Variants in PPP3CC observed in about 807,000 individuals in gnomAD.
PPP3CC encodes the protein serine/threonine-protein phosphatase 2B catalytic subunit gamma isoform.
A neutral mutation model predicts 60.3 loss-of-function variants in PPP3CC; 35 were observed. The ratio of observed to expected loss-of-function variants is 0.58; its 90% CI spans 0.44 to 0.77. The LOEUF (loss-of-function observed/expected upper bound fraction) is 0.77. PPP3CC is among the 30% of genes least tolerant of loss of function. The pLI, the probability that PPP3CC is intolerant of heterozygous loss-of-function variation, is 0.00. For missense variants in PPP3CC, 570 were observed against 628.9 expected, an observed-to-expected ratio of 0.91 and a Z score of 1.00; for synonymous variants, 206 against 224.3, an observed-to-expected ratio of 0.92 and a Z score of 0.73.
chr8:22,492,088 A>G (rs899129136), intron 3 of PPP3CC, among the ~76,000 whole-genome samples: 5 of 152,152 alleles, frequency 3.3e-5, no homozygotes, highest in African/African-American at 1.2e-4. Context: ...CCTAGGTGGT[A>G]TAGCCTGCTA....
intron 4 of PPP3CC, among the ~76,000 whole-genome samples, chr8:22,510,238 C>A (rs973807090): frequency 3.4e-4 from 52 of 151,296 alleles, no homozygotes; most frequent in African/African-American, 1.0e-3. Flanking sequence ...GTCTCAAACT[C>A]CTGGCCTCAA....
At chr8:22,488,172 G>T (rs752465077) in intron 3 of PPP3CC, among the ~76,000 whole-genome samples, 16 of 152,056 alleles carry the variant, frequency 1.1e-4, no homozygotes, top group Non-Finnish European at 1.8e-4. Flanking sequence ...GGAAAGGTAG[G>T]TATAGAAAAG....
At chr8:22,459,068 ATT>A (rs1028319142) in intron 1 of PPP3CC, among the ~76,000 whole-genome samples, 2 of 145,836 alleles carry the variant, frequency 1.4e-5, no homozygotes, top group Admixed American at 6.9e-5. Context: ...TACATTTGTA[ATT>A]TTTTTTTTTT....
At chr8:22,442,940 T>A (rs2132417416) in intron 1 of PPP3CC, among the ~76,000 whole-genome samples, 1 of 152,302 alleles carries the variant, frequency 6.6e-6, no homozygotes, top group East Asian at 1.9e-4. Flanking sequence ...CTCTCTCCAG[T>A]ACTGTTTTCT....
At chr8:22,481,391 C>T (rs1192636237) in intron 3 of PPP3CC, among the ~76,000 whole-genome samples, 1 of 145,560 alleles carries the variant, frequency 6.9e-6, no homozygotes, top group African/African-American at 2.7e-5. Context: ...TGATAATATT[C>T]ATTCAGCCAG....
rs777026325 is a variant in PPP3CC at position 22,475,070 on chromosome 8, G to A, written c.166G>A (p.Val56Ile). 50 of 1,613,626 alleles carry A rather than the reference G, an allele frequency of 3.1e-5. No homozygotes were observed. Among genetic ancestry groups the A allele is most frequent in the Middle Eastern group, 3.3e-4 (2 of 6,082 alleles). Residue 56 changes from valine to isoleucine, a missense_variant, in exon 2 of 14, where the codon GTA becomes ATA. By Grantham distance (29) the Val-to-Ile change is conservative. Coordinates refer to ENST00000240139, the MANE Select transcript of PPP3CC (RefSeq NM_005605.5). ...LVKEGRLEEE[V>I]ALKIINDGAA... ...AAAGGAAGGACGACTGGAAGAGGAA[G>A]TAGCCTTAAAGATAATCAATGATGG...
chr8:22,525,773 T>G (rs1374443257), intron 8 of PPP3CC, among the ~76,000 whole-genome samples: 2 of 151,950 alleles, frequency 1.3e-5, no homozygotes, highest in Non-Finnish European at 2.9e-5. Flanking sequence ...TTGCCCAGAC[T>G]GGTCTCAAAC....
At chr8:22,509,130 G>A (rs942731434) in intron 4 of PPP3CC, among the ~76,000 whole-genome samples, 2 of 152,160 alleles carry the variant, frequency 1.3e-5, no homozygotes, top group African/African-American at 2.4e-5. Context: ...AACCTCAAGC[G>A]TGGTCTACTG....
intron 4 of PPP3CC, among the ~76,000 whole-genome samples, chr8:22,500,212 G>A (rs2132517082): frequency 6.6e-6 from 1 of 152,208 alleles, no homozygotes. Flanking sequence ...TGTGATGAAA[G>A]TACTGAAATA....
chr8:22,465,631 CA>C (rs1554529876), intron 1 of PPP3CC, among the ~76,000 whole-genome samples: 1 of 152,112 alleles, frequency 6.6e-6, no homozygotes, highest in Non-Finnish European at 1.5e-5. Context: ...TGGGATGATG[CA>C]GCAAGAAGAC....
At chr8:22,453,202 A>G (rs1473782106) in intron 1 of PPP3CC, among the ~76,000 whole-genome samples, 2 of 152,244 alleles carry the variant, frequency 1.3e-5, no homozygotes, top group Non-Finnish European at 2.9e-5. Flanking sequence ...CATAATGCCC[A>G]TAGTGGGTGG....
chr8:22,447,171 A>G (rs759613093), intron 1 of PPP3CC, among the ~76,000 whole-genome samples: 168 of 143,204 alleles, frequency 1.2e-3, no homozygotes, highest in Non-Finnish European at 2.2e-3. Flanking sequence ...ACCGTGTCCA[A>G]CTAATTTTTT....
chr8:22,473,441 A>G (rs1837790661), intron 1 of PPP3CC, among the ~76,000 whole-genome samples: 1 of 151,482 alleles, frequency 6.6e-6, no homozygotes, highest in African/African-American at 2.4e-5. Flanking sequence ...TCCAGGTTAG[A>G]AAACATAACT....
At chr8:22,485,991 G>A (rs1838211785) in intron 3 of PPP3CC, among the ~76,000 whole-genome samples, 1 of 152,044 alleles carries the variant, frequency 6.6e-6, no homozygotes, top group African/African-American at 2.4e-5. Context: ...AGGCAGTTTC[G>A]GCAGACATGC....
intron 4 of PPP3CC, among the ~76,000 whole-genome samples, chr8:22,505,024 A>ATTT (rs34116717): frequency 1.5e-4 from 17 of 115,968 alleles, no homozygotes; most frequent in South Asian, 2.8e-4. Context: ...CCACGAACCT[A>ATTT]TTTTTTTTTT....
At chr8:22,443,694 G>A (rs1220688555) in intron 1 of PPP3CC, among the ~76,000 whole-genome samples, 1 of 152,080 alleles carries the variant, frequency 6.6e-6, no homozygotes, top group Non-Finnish European at 1.5e-5. Context: ...AATAATTTCA[G>A]GTCCTTAGAA....
At chr8:22,441,897 G>A (rs991334527) in intron 1 of PPP3CC, among the ~76,000 whole-genome samples, 43 of 152,054 alleles carry the variant, frequency 2.8e-4, no homozygotes, top group African/African-American at 9.9e-4. Flanking sequence ...CTTTTGACCC[G>A]CTTTCTCTAG....
intron 1 of PPP3CC, among the ~76,000 whole-genome samples, chr8:22,469,700 T>C (rs2132459497): frequency 6.6e-6 from 1 of 152,210 alleles, no homozygotes; most frequent in Admixed American, 6.5e-5. Context: ...CAACAGCCAG[T>C]ATTAACCACA....
chr8:22,464,363 A>G (rs1446727052), intron 1 of PPP3CC, among the ~76,000 whole-genome samples: 1 of 152,160 alleles, frequency 6.6e-6, no homozygotes, highest in Non-Finnish European at 1.5e-5. Context: ...TGTAAAAGAC[A>G]TCTTAACAAT....
Sources: gnomAD v4.1 joint callset for allele counts (sites outside exome capture counted in the v4.1 genomes callset) on GRCh38, gnomAD v4.1.1 for gene constraint, MANE v1.5 for transcripts, NCBI Gene and HGNC (gene_info 2026-07-23, HGNC 2026-07-21) for gene names.